Variants in NLRC4 observed in about 807,000 individuals in gnomAD.
The protein encoded by NLRC4 is NLR family CARD domain containing 4.
Under a neutral mutation model 79.9 loss-of-function variants are expected in NLRC4, and 63 were observed. That is an observed-to-expected ratio of 0.79 (90% CI 0.64 to 0.97). The LOEUF is 0.97. Among genes scored for constraint, NLRC4 ranks in the 50% least tolerant of loss-of-function variants. The pLI, the probability that NLRC4 is intolerant of heterozygous loss-of-function variation, is 0.00. For synonymous variants in NLRC4, 461 were observed against 456.5 expected (o/e 1.01, Z -0.12); for missense variants, 1,074 against 1,215.2 (o/e 0.88, Z 1.73).
chr2:32,251,238 T>G lies in NLRC4; in HGVS notation c.626A>C (p.Gln209Pro). ...FVFFLRLSRA[Q>P]GGLFETLCDQ... ...ACAGAGGGTTTCAAAAAGTCCACCC[T>G]GGGCCCTGCTGAGACGGAGGAAGAA... The change falls in exon 4 of 9, where the codon CAG becomes CCG. Residue 209 changes from glutamine to proline, a missense_variant. Physicochemically the swap from Gln to Pro is moderately conservative, Grantham distance 76. Transcript: ENST00000402280. The G allele has an allele frequency of 6.2e-7, 1 of 1,614,166 alleles. No individual in the cohort carries two copies. Among genetic ancestry groups the G allele is most frequent in the Non-Finnish European group, 8.5e-7 (1 of 1,180,024 alleles).
intron 1 of NLRC4, among the ~76,000 whole-genome samples, chr2:32,257,186 G>A (rs573712770): frequency 1.3e-5 from 2 of 152,280 alleles, no homozygotes; most frequent in South Asian, 2.1e-4. Context: ...GTCAAAAGAC[G>A]GTATAAGTGT....
intron 1 of NLRC4, among the ~76,000 whole-genome samples, chr2:32,261,316 C>CCCTTTTTTTTTTTTTTT: frequency 3.2e-4 from 31 of 96,920 alleles, no homozygotes; most frequent in African/African-American, 3.7e-4. Context: ...AGCCTCCCCC[C>CCCTTTTTTTTTTTTTTT]TTTTGTTTTT....
rs199773344 is a variant in NLRC4, at chr2:32,241,788, A to T, written c.2258-663T>A. 1.3e-4 allele frequency among the ~76,000 whole-genome samples: 3 copies of T among 23,590 alleles called. No homozygotes were observed. In the East Asian group the frequency reaches 2.0e-3, roughly 15 times the overall value. 15.5% of individuals were successfully genotyped at this position (23,590 alleles called of 152,430 possible). A position where few individuals can be genotyped will look rare whatever the true frequency, so the allele number is the denominator to read the frequency against. On this transcript the variant is annotated intron_variant, in intron 4 of 8. Coordinates refer to ENST00000402280, the MANE Select transcript of NLRC4 (RefSeq NM_001199138.2). ...TTTGATAATATTTTGAAAAATATAAAAATAAAAACAAAACTTCAAAATCTG... is the reference window on the plus strand; with the variant it reads ...TTTGATAATATTTTGAAAAATATAATAATAAAAACAAAACTTCAAAATCTG...
At chr2:32,252,339 G>T in intron 3 of NLRC4, 80 bp downstream of exon 3, 1 of 1,018,758 alleles carries the variant, frequency 9.8e-7, no homozygotes. Flanking sequence ...GAAAAGCAGA[G>T]GCTCTGCCAT....
At chr2:32,224,897 C>A in intron 8 of NLRC4, 132 bp from the exon 9 acceptor site, 1 of 558,022 alleles carries the variant, frequency 1.8e-6, no homozygotes, top group Non-Finnish European at 3.1e-6. Context: ...TGCTTTGCCT[C>A]AGAAAGAAAT....
chr2:32,255,534 A>T (rs531945739), intron 2 of NLRC4, among the ~76,000 whole-genome samples: 94 of 148,336 alleles, frequency 6.3e-4, no homozygotes, highest in African/African-American at 2.0e-3. Flanking sequence ...AAAAAAAAAA[A>T]AAAATAAGAA....
Position 32,224,569 on chromosome 2 carries a change from C to G in NLRC4, c.2979G>C (p.Lys993Asn), listed in dbSNP as rs751230534. 5.0e-6 allele frequency: 8 copies of G among 1,613,774 alleles called. No homozygotes were observed. In the East Asian group the frequency reaches 1.6e-4, roughly 31 times the overall value. The change falls in exon 9 of 9, where the codon AAG (lysine) becomes AAC (asparagine). Residue 993 changes from lysine to asparagine, a missense_variant. Transcript: ENST00000402280. ...LVRKLSQVLS[K>N]LTFLQEARLV... ...GCCTAGCTTCTTGCAGAAAAGTTAACTTGGATAACACTTGGCTAAGTTTTC... is the reference window on the plus strand; with the variant it reads ...GCCTAGCTTCTTGCAGAAAAGTTAAGTTGGATAACACTTGGCTAAGTTTTC...
At chr2:32,257,374 G>A (rs1029263938) in intron 1 of NLRC4, among the ~76,000 whole-genome samples, 4 of 152,200 alleles carry the variant, frequency 2.6e-5, no homozygotes, top group Admixed American at 1.3e-4. Flanking sequence ...TTGGGAGGCC[G>A]AGGCAGGCGG....
chr2:32,252,797 T>A, intron 2 of NLRC4, 118 bp from the exon 3 acceptor site: 1 of 749,772 alleles, frequency 1.3e-6, no homozygotes, highest in Non-Finnish European at 2.2e-6. Flanking sequence ...GGCGGGCAGA[T>A]CACGAGGTCA....
chr2:32,253,296 C>A (rs1410706210), intron 2 of NLRC4, among the ~76,000 whole-genome samples: 5 of 151,654 alleles, frequency 3.3e-5, no homozygotes. Flanking sequence ...ATTACAGGCA[C>A]GCACCACCAC....
chr2:32,231,223 C>T (rs538881058), intron 8 of NLRC4, among the ~76,000 whole-genome samples: 11 of 152,150 alleles, frequency 7.2e-5, no homozygotes, highest in Non-Finnish European at 1.2e-4. Flanking sequence ...GGCGCAATCT[C>T]GGCTCACTGC....
chr2:32,239,346 G>A (rs1423262083), intron 5 of NLRC4, among the ~76,000 whole-genome samples: 1 of 152,068 alleles, frequency 6.6e-6, no homozygotes, highest in Non-Finnish European at 1.5e-5. Context: ...CAGAGCTTTC[G>A]GGAAGGTTGC....
chr2:32,242,883 C>G (rs1686837739), intron 4 of NLRC4, among the ~76,000 whole-genome samples: 1 of 151,948 alleles, frequency 6.6e-6, no homozygotes, highest in Non-Finnish European at 1.5e-5. Context: ...CCTATCCCTA[C>G]AAAATATTTT....
chr2:32,263,232 G>T lies in NLRC4; in HGVS notation c.-119+1506C>A, dbSNP rs143022595. Among the ~76,000 whole-genome samples, 147 of 152,276 alleles carry T rather than the reference G, an allele frequency of 9.7e-4. 1 individual carries two copies. In the East Asian group the frequency reaches 0.025, roughly 26 times the overall value. ...AATGTGTGTGGGCTTTGGCATTGCA[G>T]ATCTGAATTCAAATCCTCACTCTGC... On this transcript the variant is annotated intron_variant, in intron 1 of 8. Transcript: ENST00000402280.
rs747003201 is a variant in NLRC4 at position 32,225,382 on chromosome 2, G to GCACA, written c.2783-621_2783-618dup. Among the ~76,000 whole-genome samples, 793 of 147,946 alleles carry GCACA rather than the reference G, an allele frequency of 5.4e-3. 4 individuals carry two copies. Among genetic ancestry groups the GCACA allele is most frequent in the African/African-American group, 0.014 (555 of 40,016 alleles). ...CCTGTCTTTCTGATACACAAAGAAT[G>GCACA]CACACACACACACATACATACAAAG... On this transcript the variant is annotated intron_variant, in intron 8 of 8. Coordinates refer to ENST00000402280, the MANE Select transcript of NLRC4 (RefSeq NM_001199138.2).
intron 7 of NLRC4, 66 bp from the exon 8 acceptor site, chr2:32,235,634 T>G: frequency 7.6e-7 from 1 of 1,315,618 alleles, no homozygotes; most frequent in Non-Finnish European, 1.1e-6. Flanking sequence ...CAAAGGGGTG[T>G]TAGGGGAGGA....
At chr2:32,226,312 G>A (rs1686395613) in intron 8 of NLRC4, among the ~76,000 whole-genome samples, 1 of 152,210 alleles carries the variant, frequency 6.6e-6, no homozygotes, top group Admixed American at 6.5e-5. Context: ...TTTGTTCAGT[G>A]CAACTAAGTA....
In NLRC4 at chr2:32,252,575, C is replaced by T. The variant is rs766783309; in HGVS notation, c.106G>A (p.Glu36Lys). 11 of 1,614,068 alleles carry T rather than the reference C, an allele frequency of 6.8e-6. No homozygotes were observed. The highest frequency in any genetic ancestry group is 2.7e-5 in the African/African-American group (2 of 74,930). The stretch of plus-strand genomic sequence containing the variant: ...TCGCAGCAAATGATGTTTACTTCTT[C>T]GCGATTCAGAACATTCCATACAAAT... ...DLFVWNVLNR[E>K]EVNIICCEKV... Residue 36 changes from glutamate (E) to lysine (K), a missense_variant, in exon 3 of 9, where the codon GAA becomes AAA. Coordinates refer to ENST00000402280, the MANE Select transcript of NLRC4 (RefSeq NM_001199138.2).
rs1017995713 is a variant in NLRC4, at chr2:32,252,329, G to A, written c.262+90C>T. The A allele has an allele frequency of 1.1e-5, 10 of 946,348 alleles. No homozygotes were observed. In the African/African-American group the frequency reaches 1.6e-4, roughly 15 times the overall value. The allele number at this position is 946,348 out of a possible 1,614,324, so 58.6% of individuals were successfully genotyped here. ...CACTGCCAGGTGATATGAAGAGAAGGAAAAGCAGAGGCTCTGCCATGGGGA... is the reference window on the plus strand; with the variant it reads ...CACTGCCAGGTGATATGAAGAGAAGAAAAAGCAGAGGCTCTGCCATGGGGA... On this transcript the variant is annotated intron_variant, in intron 3 of 8. Transcript: ENST00000402280.
Sources: gnomAD v4.1 joint callset for allele counts (sites outside exome capture counted in the v4.1 genomes callset) on GRCh38, gnomAD v4.1.1 for gene constraint, MANE v1.5 for transcripts, NCBI Gene and HGNC (gene_info 2026-07-23, HGNC 2026-07-21) for gene names.